The following PTPRR variants were observed in gnomAD, a reference collection of about 807,000 sequenced individuals.
The protein encoded by PTPRR is protein tyrosine phosphatase receptor type R.
In PTPRR, 38 loss-of-function variants were observed where a neutral mutation model predicts 77.2. The observed-to-expected ratio is 0.49, with a 90% CI of 0.38 to 0.65. The LOEUF (loss-of-function observed/expected upper bound fraction) is 0.65, where lower values mean the gene tolerates loss of function less well. PTPRR is among the 30% of genes least tolerant of loss of function. The pLI is 0.00. For missense variants in PTPRR, 744 were observed against 799.2 expected (o/e 0.93, Z 0.83); for synonymous variants, 299 against 283.1 (o/e 1.06, Z -0.57).
At chr12:70,770,341 T>G (rs1229746317) in intron 2 of PTPRR, among the ~76,000 whole-genome samples, 3 of 151,862 alleles carry the variant, frequency 2.0e-5, no homozygotes, top group Non-Finnish European at 4.4e-5. Context: ...CATCAAAAAG[T>G]GGGCAAAGGA....
chr12:70,867,965 G>A (rs1250197994), intron 2 of PTPRR, among the ~76,000 whole-genome samples: 2 of 152,110 alleles, frequency 1.3e-5, no homozygotes, highest in East Asian at 3.9e-4. Context: ...AAATGGTGCT[G>A]GGAAAACTGG....
chr12:70,844,193 G>A (rs184651888), intron 2 of PTPRR, among the ~76,000 whole-genome samples: 4 of 152,060 alleles, frequency 2.6e-5, no homozygotes, highest in African/African-American at 7.2e-5. Flanking sequence ...TAAAGGACTC[G>A]GTACTTATTG....
chr12:70,710,592 A>C (rs889234326), intron 6 of PTPRR, among the ~76,000 whole-genome samples: 6 of 152,210 alleles, frequency 3.9e-5, no homozygotes, highest in Non-Finnish European at 8.8e-5. Flanking sequence ...ACAGCAAAAG[A>C]AACTATCAAC....
At chr12:70,753,142 T>A (rs1890455424) in intron 5 of PTPRR, among the ~76,000 whole-genome samples, 1 of 152,202 alleles carries the variant, frequency 6.6e-6, no homozygotes, top group Non-Finnish European at 1.5e-5. Context: ...AACATGCTTA[T>A]CTTCACCCTG....
At chr12:70,654,570 T>G in intron 13 of PTPRR, among the ~76,000 whole-genome samples, 1 of 152,198 alleles carries the variant, frequency 6.6e-6, no homozygotes, top group Non-Finnish European at 1.5e-5. Flanking sequence ...TAATTTTATC[T>G]TTTTAGAAAA....
chr12:70,798,800 A>G (rs1891562430), intron 2 of PTPRR, among the ~76,000 whole-genome samples: 1 of 130,520 alleles, frequency 7.7e-6, no homozygotes, highest in Admixed American at 1.0e-4. Flanking sequence ...TATCTTACAT[A>G]GACCTTATTA....
intron 13 of PTPRR, among the ~76,000 whole-genome samples, chr12:70,645,994 G>A (rs1270382743): frequency 1.3e-5 from 2 of 152,188 alleles, no homozygotes; most frequent in African/African-American, 4.8e-5. Context: ...GTACCGCCCA[G>A]CCCGTATCCG....
chr12:70,711,705 A>G (rs1478366417), intron 6 of PTPRR, among the ~76,000 whole-genome samples: 1 of 152,126 alleles, frequency 6.6e-6, no homozygotes, highest in Non-Finnish European at 1.5e-5. Flanking sequence ...TTAAGTATTC[A>G]CAAAGAAAAT....
chr12:70,791,140 A>T (rs1227289502), intron 2 of PTPRR, among the ~76,000 whole-genome samples: 1 of 152,150 alleles, frequency 6.6e-6, no homozygotes, highest in Non-Finnish European at 1.5e-5. Flanking sequence ...AGTACTTTTT[A>T]AAAAACCCTC....
intron 4 of PTPRR, among the ~76,000 whole-genome samples, chr12:70,757,714 T>G (rs1292902442): frequency 6.6e-6 from 1 of 152,204 alleles, no homozygotes; most frequent in Non-Finnish European, 1.5e-5. Flanking sequence ...TGAGACATCA[T>G]TCACGATGTT....
chr12:70,896,809 C>G (rs529602190), intron 1 of PTPRR, among the ~76,000 whole-genome samples: 130 of 151,876 alleles, frequency 8.6e-4, no homozygotes, highest in African/African-American at 2.8e-3. Context: ...GGAAGGGATC[C>G]AGTTTCAGCT....
chr12:70,769,565 C>T (rs1305998214), intron 2 of PTPRR, among the ~76,000 whole-genome samples: 1 of 152,092 alleles, frequency 6.6e-6, no homozygotes, highest in Non-Finnish European at 1.5e-5. Flanking sequence ...GAATCAATAT[C>T]ATGAAAATGG....
At chr12:70,703,627 A>G (rs1224892600) in intron 6 of PTPRR, among the ~76,000 whole-genome samples, 4 of 152,342 alleles carry the variant, frequency 2.6e-5, no homozygotes, top group South Asian at 4.1e-4. Context: ...GATTCTGATA[A>G]TAGTTTGCCG....
At chr12:70,657,475 G>A (rs1246928661) in intron 12 of PTPRR, among the ~76,000 whole-genome samples, 1 of 152,120 alleles carries the variant, frequency 6.6e-6, no homozygotes, top group African/African-American at 2.4e-5. Flanking sequence ...TGCCTTAGAC[G>A]ATATGTCCAT....
intron 10 of PTPRR, among the ~76,000 whole-genome samples, chr12:70,679,562 T>C (rs2136718606): frequency 6.6e-6 from 1 of 152,316 alleles, no homozygotes; most frequent in South Asian, 2.1e-4. Context: ...CTCTTTATAT[T>C]TGGGTACTCT....
At chr12:70,765,827 A>C (rs1890806449) in intron 2 of PTPRR, among the ~76,000 whole-genome samples, 1 of 152,168 alleles carries the variant, frequency 6.6e-6, no homozygotes, top group Non-Finnish European at 1.5e-5. Flanking sequence ...TTCAAGAGGA[A>C]CGATCAGACA....
At chr12:70,672,350 G>A (rs1887262154) in intron 10 of PTPRR, 2 of 1,450,638 alleles carry the variant, frequency 1.4e-6, no homozygotes, top group Non-Finnish European at 1.9e-6. Flanking sequence ...GGAGCCCTAT[G>A]ATGAGATGGT....
chr12:70,743,866 G>A (rs1178147035), intron 6 of PTPRR, among the ~76,000 whole-genome samples: 1 of 152,168 alleles, frequency 6.6e-6, no homozygotes, highest in African/African-American at 2.4e-5. Context: ...TCTACAGAGG[G>A]CAGGATGCTG....
At chr12:70,895,128 G>T (rs74102046) in intron 1 of PTPRR, among the ~76,000 whole-genome samples, 2 of 151,652 alleles carry the variant, frequency 1.3e-5, no homozygotes, top group African/African-American at 4.8e-5. Context: ...GATGTAAGAC[G>T]TATATGTTGG....
Sources: gnomAD v4.1 joint callset for allele counts (sites outside exome capture counted in the v4.1 genomes callset) on GRCh38, gnomAD v4.1.1 for gene constraint, MANE v1.5 for transcripts, NCBI Gene and HGNC (gene_info 2026-07-23, HGNC 2026-07-21) for gene names.